The following HESX1 variants were observed in gnomAD, a reference collection of about 807,000 sequenced individuals.
HESX1 encodes the protein HESX homeobox 1.
HESX1 carries 11 observed loss-of-function variants against 22.5 expected under a neutral mutation model. The observed-to-expected ratio is 0.49, with a 90% CI of 0.31 to 0.81. HESX1 has a LOEUF of 0.81. Among genes scored for constraint, HESX1 ranks in the 30% least tolerant of loss-of-function variants. HESX1 has a pLI of 0.05. For synonymous variants in HESX1, 74 were observed against 76.5 expected (o/e 0.97, Z 0.17); for missense variants, 201 against 212.6 (o/e 0.95, Z 0.34).
At chr3:57,225,014 C>A (rs994974103) in intron 1 of HESX1, among the ~76,000 whole-genome samples, 1 of 152,278 alleles carries the variant, frequency 6.6e-6, no homozygotes, top group East Asian at 1.9e-4. Context: ...TCGCCAGTAA[C>A]CCCTAAGGCA....
upstream of HESX1, among the ~76,000 whole-genome samples, chr3:57,200,542 G>T (rs1373320468): frequency 6.6e-6 from 1 of 152,176 alleles, no homozygotes; most frequent in Non-Finnish European, 1.5e-5. Flanking sequence ...TAGTGGAAAA[G>T]GTTGGCAATG....
chr3:57,203,736 G>A (rs2060503466), upstream of HESX1, among the ~76,000 whole-genome samples: 1 of 152,086 alleles, frequency 6.6e-6, no homozygotes, highest in African/African-American at 2.4e-5. Context: ...TGTATTTTTA[G>A]TAGAGATGGG....
chr3:57,217,165 G>C (rs1430616824), intron 1 of HESX1, among the ~76,000 whole-genome samples: 1 of 152,142 alleles, frequency 6.6e-6, no homozygotes, highest in Non-Finnish European at 1.5e-5. Context: ...ATGGTGTTTA[G>C]AGGGCAAAAT....
intron 2 of HESX1, 98 bp from the exon 3 acceptor site, chr3:57,198,590 A>G (rs1351196241): frequency 3.9e-6 from 4 of 1,015,296 alleles, no homozygotes; most frequent in Non-Finnish European, 6.1e-6. Flanking sequence ...ATTAATCTGG[A>G]TGCCTTTTTA....
At chr3:57,225,584 G>A (rs1202546712) in intron 1 of HESX1, among the ~76,000 whole-genome samples, 1 of 151,874 alleles carries the variant, frequency 6.6e-6, no homozygotes, top group Non-Finnish European at 1.5e-5. Context: ...CTCTTGATCC[G>A]CCTGCCTCAG....
At chr3:57,206,199 AAAAACAAAAC>A (rs796987501) in intron 1 of HESX1, among the ~76,000 whole-genome samples, 156 of 152,346 alleles carry the variant, frequency 1.0e-3, no homozygotes, top group African/African-American at 3.3e-3. Context: ...TCAAAAAAAC[AAAAACAAAAC>A]AAAACAAAAC....
At chr3:57,205,864 T>C (rs1307543981) in intron 1 of HESX1, among the ~76,000 whole-genome samples, 1 of 152,160 alleles carries the variant, frequency 6.6e-6, no homozygotes, top group African/African-American at 2.4e-5. Flanking sequence ...CTCTATAGGA[T>C]TTTTTTGTGT....
intron 2 of HESX1, 97 bp from the exon 3 acceptor site, chr3:57,198,589 G>T (rs1223078698): frequency 2.0e-6 from 2 of 1,017,378 alleles, no homozygotes; most frequent in Non-Finnish European, 3.0e-6. Context: ...AATTAATCTG[G>T]ATGCCTTTTT....
intron 1 of HESX1, among the ~76,000 whole-genome samples, chr3:57,207,809 A>G (rs1040610425): frequency 3.9e-4 from 60 of 152,252 alleles, no homozygotes; most frequent in African/African-American, 1.4e-3. Flanking sequence ...TAAAAAATGC[A>G]TATAATTATT....
chr3:57,211,561 G>A (rs1270868088), intron 1 of HESX1, among the ~76,000 whole-genome samples: 1 of 129,588 alleles, frequency 7.7e-6, no homozygotes, highest in Non-Finnish European at 1.6e-5. Context: ...AGCCAGGCAT[G>A]GTGGCTCACG....
rs112210624 is a variant in HESX1 at position 57,217,898 on chromosome 3, T to TG, written c.-111+8397_-111+8398insC. ...CCCCTCCACAGATGCCTCCTCATCT[T>TG]CACAGGCTCTGAAACCTCACACCAG... is the stretch of plus-strand genomic sequence containing the variant. On this transcript the variant is annotated intron_variant, in intron 1 of 2. Coordinates refer to the HESX1 transcript ENST00000495160. 1.3e-3 allele frequency among the ~76,000 whole-genome samples: 191 copies of TG among 152,222 alleles called. 1 individual carries two copies. The highest frequency in any genetic ancestry group is 4.4e-3 in the African/African-American group (183 of 41,538).
chr3:57,214,387 A>C (rs948076091), intron 1 of HESX1, among the ~76,000 whole-genome samples: 1 of 152,186 alleles, frequency 6.6e-6, no homozygotes, highest in Admixed American at 6.5e-5. Flanking sequence ...GGCACAAGTG[A>C]CTATGGGAAC....
At chr3:57,206,280 G>A (rs1336143210) in intron 1 of HESX1, among the ~76,000 whole-genome samples, 2 of 152,172 alleles carry the variant, frequency 1.3e-5, no homozygotes, top group African/African-American at 2.4e-5. Context: ...TGTTAATGCC[G>A]CTGAGAAGTT....
intron 1 of HESX1, 107 bp downstream of exon 1, chr3:57,199,652 TAAA>T: frequency 4.7e-6 from 1 of 215,008 alleles, no homozygotes; most frequent in Non-Finnish European, 6.8e-6. Flanking sequence ...ATAATAATAA[TAAA>T]TTAAATTAAA....
At chr3:57,221,156 AT>A (rs111304953) in intron 1 of HESX1, among the ~76,000 whole-genome samples, 2,199 of 141,534 alleles carry the variant, frequency 0.016, 31 homozygotes, top group Admixed American at 0.053. Flanking sequence ...GTTTTCCCTA[AT>A]TTTTTTTTTT....
intron 1 of HESX1, 131 bp from the exon 2 acceptor site, chr3:57,199,083 C>T (rs1050133402): frequency 1.6e-5 from 13 of 803,204 alleles, no homozygotes; most frequent in East Asian, 9.9e-5. Context: ...AATTGCACCC[C>T]GTTAACCAAA....
chr3:57,223,472 G>C (rs1174341862), intron 1 of HESX1, among the ~76,000 whole-genome samples: 1 of 151,994 alleles, frequency 6.6e-6, no homozygotes, highest in Non-Finnish European at 1.5e-5. Context: ...GAGTAAAAGT[G>C]ACATCAAGGT....
upstream of HESX1, among the ~76,000 whole-genome samples, chr3:57,226,888 T>C (rs1208681772): frequency 6.6e-6 from 1 of 152,160 alleles, no homozygotes; most frequent in Non-Finnish European, 1.5e-5. Context: ...TTGGGAAAGA[T>C]GAAGAGGGAG....
chr3:57,216,240 A>G (rs147375092), intron 1 of HESX1, among the ~76,000 whole-genome samples: 158 of 152,360 alleles, frequency 1.0e-3, no homozygotes, highest in Non-Finnish European at 1.9e-3. Flanking sequence ...ACAGATCCTC[A>G]GTATTTTCTT....
Sources: gnomAD v4.1 joint callset for allele counts (sites outside exome capture counted in the v4.1 genomes callset) on GRCh38, gnomAD v4.1.1 for gene constraint, MANE v1.5 for transcripts, NCBI Gene and HGNC (gene_info 2026-07-23, HGNC 2026-07-21) for gene names.